The following CENPP variants were observed in gnomAD, a reference collection of about 807,000 sequenced individuals.
The protein encoded by CENPP is centromere protein P.
Under a neutral mutation model 35.6 loss-of-function variants are expected in CENPP, and 24 were observed. The ratio of observed to expected loss-of-function variants is 0.67; its 90% CI spans 0.49 to 0.95. CENPP has a LOEUF of 0.95. Ranked by LOEUF, CENPP falls within the 40% of genes least tolerant of loss-of-function variation. The probability of loss-of-function intolerance (pLI) is 0.00; values close to 1 mark genes in which losing one functional copy is unlikely to be tolerated. For missense variants in CENPP, 332 were observed against 345.3 expected (o/e 0.96, Z 0.31); for synonymous variants, 120 against 125.5 (o/e 0.96, Z 0.29).
chr9:92,574,286 T>G (rs911378730), intron 5 of CENPP, among the ~76,000 whole-genome samples: 2 of 152,178 alleles, frequency 1.3e-5, no homozygotes, highest in Non-Finnish European at 2.9e-5. Context: ...GTTTACAGAT[T>G]ATGTGATCTA....
Position 92,325,980 on chromosome 9 carries a change from C to G in CENPP, c.-19C>G. 6.5e-7 allele frequency: 1 copy of G among 1,544,138 alleles called. No homozygotes were observed. The highest frequency in any genetic ancestry group is 8.8e-7 in the Non-Finnish European group (1 of 1,141,882). On this transcript the variant is annotated 5_prime_UTR_variant, in exon 1 of 8. Transcript: ENST00000375587. ...AGTGACAGCTGCGCTGCCGGCCCGG[C>G]TGCGGTCAGCAACGCGCCATGGACG...
intron 5 of CENPP, chr9:92,522,449 TG>T: frequency 1.8e-6 from 2 of 1,092,354 alleles, no homozygotes; most frequent in Middle Eastern, 2.1e-4. Context: ...TATAATAACC[TG>T]GATTTTTCTT....
At chr9:92,517,479 G>T in intron 5 of CENPP, 1 of 659,960 alleles carries the variant, frequency 1.5e-6, no homozygotes, top group Non-Finnish European at 2.6e-6. Context: ...ATCTGATAGA[G>T]CTAGAACTAT....
intron 5 of CENPP, among the ~76,000 whole-genome samples, chr9:92,551,636 A>G (rs1238865592): frequency 6.6e-6 from 1 of 151,958 alleles, no homozygotes; most frequent in Non-Finnish European, 1.5e-5. Context: ...AGCAGTATAC[A>G]CTGCACCCTA....
intron 5 of CENPP, among the ~76,000 whole-genome samples, chr9:92,463,322 C>T (rs1296844425): frequency 1.3e-5 from 2 of 152,182 alleles, no homozygotes; most frequent in Non-Finnish European, 2.9e-5. Context: ...TGCAGGCAGT[C>T]AGCTTTCACA....
intron 5 of CENPP, chr9:92,500,652 A>T: frequency 2.0e-5 from 29 of 1,422,414 alleles, no homozygotes; most frequent in Non-Finnish European, 2.8e-5. Flanking sequence ...AATCCCAGAG[A>T]TCATGTCATG....
At chr9:92,605,249 A>G (rs1010834945) in intron 5 of CENPP, among the ~76,000 whole-genome samples, 2 of 152,186 alleles carry the variant, frequency 1.3e-5, no homozygotes, top group Non-Finnish European at 2.9e-5. Flanking sequence ...TTGGCCGCCC[A>G]AAGTGCCGTA....
intron 5 of CENPP, among the ~76,000 whole-genome samples, chr9:92,586,390 A>G (rs1280109679): frequency 6.6e-6 from 1 of 152,104 alleles, no homozygotes; most frequent in South Asian, 2.1e-4. Context: ...TGCCTGGGGC[A>G]AGGGATGGTG....
chr9:92,567,375 T>TATATAG (rs60545319), intron 5 of CENPP, among the ~76,000 whole-genome samples: 1,694 of 81,860 alleles, frequency 0.021, 48 homozygotes, highest in African/African-American at 0.095. Flanking sequence ...ATAAGATAGA[T>TATATAG]ATATATATAT....
intron 5 of CENPP, among the ~76,000 whole-genome samples, chr9:92,415,783 C>G (rs1462135003): frequency 4.7e-5 from 7 of 147,406 alleles, no homozygotes; most frequent in African/African-American, 1.7e-4. Context: ...TTCATGTACT[C>G]TATTATTTCT....
At chr9:92,608,962 G>C (rs1851158250) in intron 5 of CENPP, among the ~76,000 whole-genome samples, 2 of 152,236 alleles carry the variant, frequency 1.3e-5, no homozygotes, top group Non-Finnish European at 2.9e-5. Flanking sequence ...AGCTGGCCCA[G>C]GCCCCAGCCG....
At chr9:92,349,906 T>G (rs1389589580) in intron 4 of CENPP, among the ~76,000 whole-genome samples, 1 of 152,212 alleles carries the variant, frequency 6.6e-6, no homozygotes, top group African/African-American at 2.4e-5. Context: ...GTAAGTTTTC[T>G]TTTCTCTAGG....
intron 5 of CENPP, among the ~76,000 whole-genome samples, chr9:92,577,843 C>A (rs1264187094): frequency 6.6e-6 from 1 of 151,744 alleles, no homozygotes; most frequent in Non-Finnish European, 1.5e-5. Flanking sequence ...TACATGTGCA[C>A]AATGTGCAGG....
In CENPP at chr9:92,465,121, C is replaced by G. The variant is rs1845256758; in HGVS notation, c.564+85262C>G. The G allele has an allele frequency of 1.4e-5, 12 of 864,078 alleles. No homozygotes were observed. The South Asian group carries it at 1.8e-4, about 13-fold the overall frequency. The allele number at this position is 864,078 out of a possible 1,614,324, so 53.5% of individuals were successfully genotyped here. A position where few individuals can be genotyped will look rare whatever the true frequency, so the allele number is the denominator to read the frequency against. On this transcript the variant is annotated intron_variant, in intron 5 of 7. Coordinates refer to ENST00000375587, the MANE Select transcript of CENPP (RefSeq NM_001012267.3). Reference sequence around the variant, plus strand: ...GAGACACATCCCAAGAATGAATATCCCAAGAAGCGTGAGCTTCATCCTTTA... The same window carrying G: ...GAGACACATCCCAAGAATGAATATCGCAAGAAGCGTGAGCTTCATCCTTTA...
chr9:92,395,590 C>T (rs1261533495), intron 5 of CENPP, among the ~76,000 whole-genome samples: 2 of 152,116 alleles, frequency 1.3e-5, no homozygotes, highest in Non-Finnish European at 2.9e-5. Context: ...AAGTGTCAAA[C>T]TATTTTCCAA....
intron 5 of CENPP, among the ~76,000 whole-genome samples, chr9:92,532,025 T>A (rs1475379): frequency 0.19 from 24,351 of 125,710 alleles, 3,917 homozygotes; most frequent in East Asian, 0.68. Flanking sequence ...GTTTTTTTTT[T>A]TTTATTTTAT....
chr9:92,505,704 A>G (rs1225811655), intron 5 of CENPP: 8 of 1,549,310 alleles, frequency 5.2e-6, no homozygotes, highest in Non-Finnish European at 6.9e-6. Context: ...TAAAAAATAA[A>G]AGTATTAGAA....
At chr9:92,575,715 G>C (rs2131360291) in intron 5 of CENPP, among the ~76,000 whole-genome samples, 1 of 152,132 alleles carries the variant, frequency 6.6e-6, no homozygotes, top group Admixed American at 6.5e-5. Flanking sequence ...GTGGGGTTGA[G>C]ACAGGAGAAT....
chr9:92,390,996 G>T (rs1842655432), intron 5 of CENPP, among the ~76,000 whole-genome samples: 2 of 152,134 alleles, frequency 1.3e-5, no homozygotes, highest in Non-Finnish European at 2.9e-5. Context: ...CAGGTGTGGT[G>T]GCTTATGCCT....
Sources: allele counts gnomAD v4.1 joint callset (sites outside exome capture counted in the v4.1 genomes callset), GRCh38; gene constraint gnomAD v4.1.1; transcripts MANE v1.5; gene names NCBI Gene and HGNC (gene_info 2026-07-23, HGNC 2026-07-21).